Variants in ARB2A observed in about 807,000 individuals in gnomAD.
ARB2A encodes the protein ARB2 cotranscriptional regulator A, also known as cotranscriptional regulator ARB2A.
the ARB2A span, among the ~76,000 whole-genome samples, chr5:93,908,126 C>T: frequency 2.6e-5 from 4 of 150,950 alleles, no homozygotes; most frequent in East Asian, 7.7e-4. Flanking sequence ...ATACAGCAAG[C>T]ATTCAATACA....
chr5:93,977,023 A>T, the ARB2A span, among the ~76,000 whole-genome samples: 1 of 152,086 alleles, frequency 6.6e-6, no homozygotes, highest in Non-Finnish European at 1.5e-5. Flanking sequence ...AAAAAAAAAA[A>T]TCTAAAAATA....
At chr5:93,764,396 T>C in the ARB2A span, among the ~76,000 whole-genome samples, 1 of 152,110 alleles carries the variant, frequency 6.6e-6, no homozygotes, top group African/African-American at 2.4e-5. Context: ...AAATACAAAC[T>C]ACCATCAGAG....
the ARB2A span, among the ~76,000 whole-genome samples, chr5:93,635,758 G>A: frequency 3.9e-5 from 6 of 152,024 alleles, no homozygotes; most frequent in African/African-American, 7.2e-5. Flanking sequence ...TTAACTTATC[G>A]TGTACTTGCT....
At chr5:93,690,120 G>C in the ARB2A span, among the ~76,000 whole-genome samples, 1 of 152,144 alleles carries the variant, frequency 6.6e-6, no homozygotes, top group South Asian at 2.1e-4. Context: ...GCACAAAACT[G>C]GGCGGCTGTT....
chr5:93,658,516 A>G, the ARB2A span, among the ~76,000 whole-genome samples: 8 of 152,068 alleles, frequency 5.3e-5, no homozygotes. Context: ...CATTTTTTCT[A>G]TGAGCTGCAG....
At chr5:94,016,778 T>C in the ARB2A span, among the ~76,000 whole-genome samples, 1 of 152,176 alleles carries the variant, frequency 6.6e-6, no homozygotes, top group African/African-American at 2.4e-5. Flanking sequence ...AGCTTCTCCT[T>C]ATGGGTTTTA....
At chr5:93,964,619 TA>T in the ARB2A span, 1 of 734,072 alleles carries the variant, frequency 1.4e-6, no homozygotes. Flanking sequence ...TTGCTCTGAG[TA>T]AATATCTCTT....
the ARB2A span, among the ~76,000 whole-genome samples, chr5:93,947,346 G>A: frequency 6.6e-6 from 1 of 151,834 alleles, no homozygotes; most frequent in Non-Finnish European, 1.5e-5. Context: ...TTAGGGTCTG[G>A]GTCTCCTATT....
At chr5:93,686,367 C>T in the ARB2A span, among the ~76,000 whole-genome samples, 1 of 152,154 alleles carries the variant, frequency 6.6e-6, no homozygotes, top group Non-Finnish European at 1.5e-5. Flanking sequence ...ATCTACAATG[C>T]CCCTTTCTTC....
the ARB2A span, chr5:93,804,945 G>A: frequency 1.0e-6 from 1 of 982,122 alleles, no homozygotes; most frequent in Non-Finnish European, 1.2e-6. Flanking sequence ...CATACAGAGT[G>A]GCAAAAAATT....
the ARB2A span, among the ~76,000 whole-genome samples, chr5:94,065,702 C>G: frequency 6.6e-6 from 1 of 152,072 alleles, no homozygotes; most frequent in Non-Finnish European, 1.5e-5. Context: ...TATATGCACT[C>G]AACACTGGAG....
At chr5:93,926,248 G>A in the ARB2A span, among the ~76,000 whole-genome samples, 2 of 151,766 alleles carry the variant, frequency 1.3e-5, no homozygotes, top group Non-Finnish European at 1.5e-5. Context: ...TCCTGCCTCA[G>A]TCTCCCGAGT....
the ARB2A span, among the ~76,000 whole-genome samples, chr5:93,882,325 G>A: frequency 4.2e-4 from 64 of 151,274 alleles, 1 homozygote; most frequent in East Asian, 9.5e-3. Context: ...AGCAAAATAA[G>A]CCACTGTCTT....
chr5:94,107,100 A>T, the ARB2A span, among the ~76,000 whole-genome samples: 3 of 152,172 alleles, frequency 2.0e-5, no homozygotes, highest in Admixed American at 6.5e-5. Context: ...ATGAAATAAA[A>T]ACTACTCCTT....
chr5:93,782,413 T>C, the ARB2A span, among the ~76,000 whole-genome samples: 15 of 152,170 alleles, frequency 9.9e-5, no homozygotes, highest in African/African-American at 3.6e-4. Flanking sequence ...TCTTAGCAAA[T>C]TAGCTGGTAC....
the ARB2A span, among the ~76,000 whole-genome samples, chr5:93,907,410 T>A: frequency 6.6e-6 from 1 of 151,478 alleles, no homozygotes. Context: ...GATGTCAGTG[T>A]TTATACTCAG....
chr5:93,938,607 C>A, the ARB2A span, among the ~76,000 whole-genome samples: 1 of 152,120 alleles, frequency 6.6e-6, no homozygotes, highest in Non-Finnish European at 1.5e-5. Context: ...TTATCCTCCA[C>A]CCAAGAGATT....
the ARB2A span, chr5:93,737,849 A>G: frequency 1.2e-5 from 5 of 421,906 alleles, no homozygotes; most frequent in African/African-American, 2.1e-5. Context: ...AAATGGATCA[A>G]AGTCCTAAAT....
At chr5:94,103,550 A>C in the ARB2A span, among the ~76,000 whole-genome samples, 3 of 152,230 alleles carry the variant, frequency 2.0e-5, no homozygotes, top group East Asian at 5.8e-4. Context: ...AGAGACTTAG[A>C]TAACCACACG....
Sources: gnomAD v4.1 joint callset for allele counts (sites outside exome capture counted in the v4.1 genomes callset) on GRCh38, gnomAD v4.1.1 for gene constraint, MANE v1.5 for transcripts, NCBI Gene and HGNC (gene_info 2026-07-23, HGNC 2026-07-21) for gene names.